ANKH: variants seen among roughly 807,000 people sequenced by gnomAD.
ANKH encodes ANKH inorganic pyrophosphate transport regulator.
ANKH carries 15 observed loss-of-function variants against 49.0 expected under a neutral mutation model. That is an observed-to-expected ratio of 0.31 (90% CI 0.20 to 0.47). The LOEUF (loss-of-function observed/expected upper bound fraction) is 0.47. ANKH is among the 20% of genes least tolerant of loss of function. ANKH has a pLI of 1.00. For synonymous variants in ANKH, 273 were observed against 260.0 expected (o/e 1.05, Z -0.48); for missense variants, 429 against 652.0 (o/e 0.66, Z 3.72).
chr5:14,833,766 G>A (rs546706368), intron 1 of ANKH, among the ~76,000 whole-genome samples: 1 of 152,266 alleles, frequency 6.6e-6, no homozygotes, highest in African/African-American at 2.4e-5. Context: ...AAGCAGAAAA[G>A]TACCTCATGC....
intron 11 of ANKH, 25 bp from the exon 12 acceptor site, chr5:14,711,335 G>T (rs767542714): frequency 1.3e-6 from 2 of 1,598,536 alleles, no homozygotes; most frequent in Non-Finnish European, 1.7e-6. Flanking sequence ...ACTCATCAGT[G>T]TGGGGCTGTG....
At chr5:14,746,335 G>A (rs1282646636) in intron 6 of ANKH, among the ~76,000 whole-genome samples, 1 of 150,642 alleles carries the variant, frequency 6.6e-6, no homozygotes, top group African/African-American at 2.5e-5. Flanking sequence ...TTTTGAGGGA[G>A]ACCAGAGTTT....
intron 1 of ANKH, among the ~76,000 whole-genome samples, chr5:14,858,655 G>T (rs1178105506): frequency 6.6e-6 from 1 of 151,800 alleles, no homozygotes; most frequent in Non-Finnish European, 1.5e-5. Context: ...GGCGGGGGTT[G>T]CAGTGAGCCG....
chr5:14,797,699 G>A, intron 1 of ANKH: 1 of 1,600,466 alleles, frequency 6.2e-7, no homozygotes, highest in Non-Finnish European at 8.6e-7. Flanking sequence ...GTAGATGCCA[G>A]GAAACATCTT....
chr5:14,871,120 A>G, intron 1 of ANKH: 2 of 652,916 alleles, frequency 3.1e-6, no homozygotes, highest in South Asian at 1.5e-5. Context: ...GCTTCACACC[A>G]TCCAGTCTTT....
chr5:14,719,780 G>A (rs1231408233), intron 8 of ANKH, among the ~76,000 whole-genome samples: 1 of 152,190 alleles, frequency 6.6e-6, no homozygotes, highest in Non-Finnish European at 1.5e-5. Flanking sequence ...GAGCAGCACT[G>A]AAGAGGTGGG....
intron 1 of ANKH, among the ~76,000 whole-genome samples, chr5:14,805,553 T>C (rs1740685930): frequency 6.6e-6 from 1 of 151,208 alleles, no homozygotes; most frequent in African/African-American, 2.4e-5. Flanking sequence ...CTATCAGTTC[T>C]GTCCCTCTAA....
At chr5:14,831,101 T>A (rs1218013735) in intron 1 of ANKH, among the ~76,000 whole-genome samples, 1 of 152,228 alleles carries the variant, frequency 6.6e-6, no homozygotes, top group Non-Finnish European at 1.5e-5. Flanking sequence ...TAGTTCCTGC[T>A]GAACAGCTCC....
intron 1 of ANKH, among the ~76,000 whole-genome samples, chr5:14,801,490 C>G (rs145918676): frequency 2.8e-4 from 43 of 152,314 alleles, no homozygotes; most frequent in African/African-American, 1.0e-3. Context: ...TGAAATGACT[C>G]TAGAAAACAA....
At chr5:14,808,154 A>C (rs1218417469) in intron 1 of ANKH, among the ~76,000 whole-genome samples, 2 of 152,246 alleles carry the variant, frequency 1.3e-5, no homozygotes, top group Non-Finnish European at 2.9e-5. Context: ...AAAGTATACA[A>C]AGGAAGGAAA....
Position 14,725,409 on chromosome 5 carries a change from C to T in ANKH, c.1012-8574G>A, listed in dbSNP as rs1040079284. 5.9e-5 allele frequency among the ~76,000 whole-genome samples: 9 copies of T among 152,240 alleles called. No individual in the cohort carries two copies. The highest frequency in any genetic ancestry group is 3.3e-4 in the Admixed American group (5 of 15,292). The stretch of plus-strand genomic sequence containing the variant: ...TAAGAAAGTCTTGCCATCCAAACAA[C>T]GCCAGCTGAACTGGACATCATACCT... On this transcript the variant is annotated intron_variant, in intron 8 of 11. Coordinates refer to ENST00000284268, the MANE Select transcript of ANKH (RefSeq NM_054027.6). The surrounding 1 kb of genome is among the most constrained non-coding windows in gnomAD (Gnocchi z 4.0).
rs1205748522 is a variant in ANKH, at chr5:14,713,546, C to T, written c.1263G>A (p.Leu421=). The T allele has an allele frequency of 2.5e-6, 4 of 1,614,036 alleles. No homozygotes were observed. Among genetic ancestry groups the T allele is most frequent in the African/African-American group, 1.3e-5 (1 of 74,934 alleles). The change falls in exon 10 of 12, where the codon CTG becomes CTA. Residue 421 remains leucine, a splice_region_variant and synonymous_variant. Coordinates refer to ENST00000284268, the MANE Select transcript of ANKH (RefSeq NM_054027.6). This position sits in a 1 kb window ranked among gnomAD's most constrained non-coding sequence, Gnocchi z 4.4. ...LIASLVVLPY[L]GVHGATLGVG... is the part of the protein sequence containing the mutation. ...CCCCAAACTCCCTGACAACATACCCCAGGTAGGGTAGGACCACGAGGCTGG... is the reference window on the plus strand; with the variant it reads ...CCCCAAACTCCCTGACAACATACCCTAGGTAGGGTAGGACCACGAGGCTGG...
Position 14,713,504 on chromosome 5 carries a change from G to A in ANKH, c.1265+40C>T. 1 of 1,612,598 alleles carries A rather than the reference G, an allele frequency of 6.2e-7. No individual in the cohort carries two copies. The highest frequency in any genetic ancestry group is 8.5e-7 in the Non-Finnish European group (1 of 1,179,258). On this transcript the variant is annotated intron_variant, in intron 10 of 11. Transcript: ENST00000284268. This position sits in a 1 kb window ranked among gnomAD's most constrained non-coding sequence, Gnocchi z 4.4. ...AAACCTCTGGACACAGTATTGAAGTGGCAGAAGGACCCACAGCCCCAAACT... is the reference window on the plus strand; with the variant it reads ...AAACCTCTGGACACAGTATTGAAGTAGCAGAAGGACCCACAGCCCCAAACT...
Position 14,826,891 on chromosome 5 carries a change from C to T in ANKH, c.96+44461G>A, listed in dbSNP as rs988209355. Among the ~76,000 whole-genome samples, 5 of 152,204 alleles carry T rather than the reference C, an allele frequency of 3.3e-5. No homozygotes were observed. The South Asian group carries it at 8.3e-4, about 25-fold the overall frequency. On this transcript the variant is annotated intron_variant, in intron 1 of 11. Coordinates refer to ENST00000284268, the MANE Select transcript of ANKH (RefSeq NM_054027.6). The stretch of plus-strand genomic sequence containing the variant: ...CAGCTAACCTGCGTTTCCCACGTCC[C>T]TCTGCAGTTAGGTGGGGCCATGTGA...
At chr5:14,819,104 T>C (rs1233398955) in intron 1 of ANKH, among the ~76,000 whole-genome samples, 2 of 152,176 alleles carry the variant, frequency 1.3e-5, no homozygotes, top group Non-Finnish European at 2.9e-5. Flanking sequence ...CTACCCCTCG[T>C]CTGGCATGAA....
At chr5:14,727,621 G>A (rs1737863045) in intron 8 of ANKH, among the ~76,000 whole-genome samples, 1 of 151,964 alleles carries the variant, frequency 6.6e-6, no homozygotes, top group Non-Finnish European at 1.5e-5. Flanking sequence ...CACAGGATCT[G>A]AGGACTATTG....
chr5:14,759,587 CA>C (rs36077329), intron 2 of ANKH, among the ~76,000 whole-genome samples: 40 of 143,372 alleles, frequency 2.8e-4, no homozygotes, highest in South Asian at 4.5e-4. Context: ...CTGTTTCTAG[CA>C]AAAAAAAAAA....
chr5:14,771,935 A>C (rs1202303794), intron 1 of ANKH, among the ~76,000 whole-genome samples: 5 of 145,010 alleles, frequency 3.4e-5, no homozygotes, highest in South Asian at 2.2e-4. Flanking sequence ...AAAAAAAAAA[A>C]AAAAAAAAAA....
chr5:14,774,752 C>T (rs1200285303), intron 1 of ANKH, among the ~76,000 whole-genome samples: 1 of 152,164 alleles, frequency 6.6e-6, no homozygotes, highest in African/African-American at 2.4e-5. Context: ...GACTGCCCTA[C>T]CTGAATGTAA....
Sources: allele counts gnomAD v4.1 joint callset (sites outside exome capture counted in the v4.1 genomes callset), GRCh38; gene constraint gnomAD v4.1.1; non-coding constraint Gnocchi (gnomAD v3.1); transcripts MANE v1.5; gene names NCBI Gene and HGNC (gene_info 2026-07-23, HGNC 2026-07-21).